WWOX: variants seen among roughly 807,000 people sequenced by gnomAD.
WWOX encodes WW domain-containing oxidoreductase.
A neutral mutation model predicts 46.2 loss-of-function variants in WWOX; 69 were observed. That is an observed-to-expected ratio of 1.49 (90% CI 1.23 to 1.82). The LOEUF (loss-of-function observed/expected upper bound fraction) is 1.82. WWOX is among the 40% of genes most tolerant of loss of function. WWOX has a pLI of 0.00. For synonymous variants in WWOX, 359 were observed against 202.6 expected (o/e 1.77, Z -6.56); for missense variants, 919 against 542.6 (o/e 1.69, Z -6.89).
chr16:78,643,618 A>T (rs1164463959), intron 8 of WWOX, among the ~76,000 whole-genome samples: 1 of 152,170 alleles, frequency 6.6e-6, no homozygotes, highest in East Asian at 1.9e-4. Flanking sequence ...GAATCTGCTT[A>T]TAAGGCTGTT....
At chr16:78,474,759 C>T (rs940482215) in intron 8 of WWOX, among the ~76,000 whole-genome samples, 2 of 152,134 alleles carry the variant, frequency 1.3e-5, no homozygotes, top group Admixed American at 1.3e-4. Flanking sequence ...CCAGCCTCTG[C>T]GAACCGCTAG....
intron 8 of WWOX, among the ~76,000 whole-genome samples, chr16:78,511,593 C>G (rs553440960): frequency 2.0e-5 from 3 of 152,282 alleles, no homozygotes; most frequent in East Asian, 3.9e-4. Context: ...CAATATATTT[C>G]TTGTTATTCT....
chr16:78,808,329 G>C (rs2051096835), intron 8 of WWOX, among the ~76,000 whole-genome samples: 1 of 152,300 alleles, frequency 6.6e-6, no homozygotes, highest in South Asian at 2.1e-4. Flanking sequence ...CTTCAAACCT[G>C]TATATGCTGC....
intron 8 of WWOX, among the ~76,000 whole-genome samples, chr16:78,528,915 T>G (rs888226528): frequency 6.6e-6 from 1 of 151,546 alleles, no homozygotes; most frequent in East Asian, 1.9e-4. Flanking sequence ...AAAAAAACTT[T>G]CTTTTTTTTT....
Position 79,175,606 on chromosome 16 carries a change from C to A in WWOX, c.1057-36002C>A, listed in dbSNP as rs138115076. On this transcript the variant is annotated intron_variant, in intron 8 of 8. Transcript: ENST00000566780. The stretch of plus-strand genomic sequence containing the variant: ...AAAATGTAGGTAGTTCATAGGGCTC[C>A]TGACCTTCCATGGACTGTGTCTAAC... Among the ~76,000 whole-genome samples the A allele has an allele frequency of 3.9e-3, 600 of 152,222 alleles. 6 individuals carry two copies. Among genetic ancestry groups the A allele is most frequent in the African/African-American group, 0.014 (569 of 41,474 alleles).
chr16:78,769,383 C>T (rs1239839194), intron 8 of WWOX, among the ~76,000 whole-genome samples: 1 of 152,116 alleles, frequency 6.6e-6, no homozygotes, highest in Non-Finnish European at 1.5e-5. Context: ...CTCCTTCCTT[C>T]CTATCCAGTG....
intron 4 of WWOX, among the ~76,000 whole-genome samples, chr16:78,141,992 T>C (rs1216688602): frequency 4.4e-5 from 4 of 90,552 alleles, no homozygotes; most frequent in Non-Finnish European, 8.9e-5. Context: ...ATTTTAAATT[T>C]CTTTTTTTTT....
intron 5 of WWOX, among the ~76,000 whole-genome samples, chr16:78,238,572 C>T (rs551488701): frequency 5.3e-4 from 80 of 152,074 alleles, no homozygotes; most frequent in Non-Finnish European, 4.9e-4. Flanking sequence ...GATGTTGCCC[C>T]AAACCCCGCA....
chr16:78,874,415 G>A (rs934797090), intron 8 of WWOX, among the ~76,000 whole-genome samples: 15 of 152,164 alleles, frequency 9.9e-5, no homozygotes, highest in African/African-American at 2.6e-4. Context: ...GTCAAGTCCC[G>A]CTCCCTTGGA....
chr16:78,811,330 G>T (rs931864032), intron 8 of WWOX, among the ~76,000 whole-genome samples: 1 of 151,966 alleles, frequency 6.6e-6, no homozygotes, highest in Non-Finnish European at 1.5e-5. Flanking sequence ...AATCACTTCG[G>T]GGAATTATAT....
At chr16:78,361,354 T>C (rs935034511) in intron 5 of WWOX, among the ~76,000 whole-genome samples, 2 of 152,220 alleles carry the variant, frequency 1.3e-5, no homozygotes, top group Non-Finnish European at 2.9e-5. Flanking sequence ...TGATGTCTGC[T>C]GAGTTTTTCC....
At chr16:79,039,957 T>G (rs2047939681) in intron 8 of WWOX, among the ~76,000 whole-genome samples, 1 of 152,160 alleles carries the variant, frequency 6.6e-6, no homozygotes, top group African/African-American at 2.4e-5. Flanking sequence ...TGTAGTGTGT[T>G]GTAAATGCAT....
At chr16:78,774,779 A>G (rs151309937) in intron 8 of WWOX, among the ~76,000 whole-genome samples, 17 of 152,270 alleles carry the variant, frequency 1.1e-4, no homozygotes, top group Admixed American at 4.6e-4. Context: ...TTCCTGGCAC[A>G]TGGCATTGTT....
At chr16:78,992,637 A>T (rs1283127289) in intron 8 of WWOX, among the ~76,000 whole-genome samples, 2 of 152,124 alleles carry the variant, frequency 1.3e-5, no homozygotes, top group Non-Finnish European at 2.9e-5. Context: ...CCATGATCCC[A>T]TCTTAATGTC....
At chr16:78,544,026 A>G (rs910482767) in intron 8 of WWOX, among the ~76,000 whole-genome samples, 2 of 152,164 alleles carry the variant, frequency 1.3e-5, no homozygotes, top group African/African-American at 4.8e-5. Flanking sequence ...CAAAGCTTCT[A>G]GTAGTAGGGC....
At chr16:79,177,144 G>A (rs891788232) in intron 8 of WWOX, among the ~76,000 whole-genome samples, 5 of 152,092 alleles carry the variant, frequency 3.3e-5, no homozygotes, top group South Asian at 2.1e-4. Context: ...TTTCCCCTTC[G>A]CTGCCTCCGG....
intron 5 of WWOX, among the ~76,000 whole-genome samples, chr16:78,271,498 A>G (rs934840090): frequency 1.3e-5 from 2 of 152,222 alleles, no homozygotes; most frequent in African/African-American, 4.8e-5. Context: ...CAACCACGAG[A>G]GCTTCACAGC....
chr16:78,749,735 C>G (rs982423990), intron 8 of WWOX, among the ~76,000 whole-genome samples: 25 of 152,162 alleles, frequency 1.6e-4, no homozygotes, highest in African/African-American at 6.0e-4. Flanking sequence ...TAGATTGCCT[C>G]CGTTAAAGCC....
At chr16:78,737,550 C>G (rs2049119874) in intron 8 of WWOX, among the ~76,000 whole-genome samples, 1 of 152,112 alleles carries the variant, frequency 6.6e-6, no homozygotes. Flanking sequence ...GCAGTGTATA[C>G]TGTAGCCAAT....
Sources: gnomAD v4.1 joint callset for allele counts (sites outside exome capture counted in the v4.1 genomes callset) on GRCh38, gnomAD v4.1.1 for gene constraint, MANE v1.5 for transcripts, NCBI Gene and HGNC (gene_info 2026-07-23, HGNC 2026-07-21) for gene names.